Variants in STON2 observed in about 807,000 individuals in gnomAD.
The protein encoded by STON2 is stonin-2.
Under a neutral mutation model 65.7 loss-of-function variants are expected in STON2, and 29 were observed. That is an observed-to-expected ratio of 0.44 (90% CI 0.33 to 0.60). The LOEUF (loss-of-function observed/expected upper bound fraction) is 0.60. Among genes scored for constraint, STON2 ranks in the 20% least tolerant of loss-of-function variants. STON2 has a pLI of 0.03. For missense variants in STON2, 1,054 were observed against 1,118.1 expected (o/e 0.94, Z 0.82); for synonymous variants, 404 against 414.2 (o/e 0.98, Z 0.30).
chr14:81,419,963 G>A (rs183392127), intron 2 of STON2, among the ~76,000 whole-genome samples: 1 of 152,324 alleles, frequency 6.6e-6, no homozygotes, highest in East Asian at 1.9e-4. Context: ...CCTTCCACTG[G>A]AGGGGCTGGT....
chr14:81,314,550 A>C (rs1163935316), intron 5 of STON2, among the ~76,000 whole-genome samples: 2 of 152,248 alleles, frequency 1.3e-5, no homozygotes, highest in Non-Finnish European at 2.9e-5. Flanking sequence ...AGATGTCATC[A>C]TGGTACTGTG....
At chr14:81,425,613 A>G (rs1310554171) in intron 2 of STON2, among the ~76,000 whole-genome samples, 1 of 152,120 alleles carries the variant, frequency 6.6e-6, no homozygotes, top group Non-Finnish European at 1.5e-5. Context: ...ATCTTAGGGA[A>G]GAGTGAGAGA....
intron 2 of STON2, among the ~76,000 whole-genome samples, chr14:81,397,939 A>G (rs1900406475): frequency 6.6e-6 from 1 of 152,178 alleles, no homozygotes; most frequent in Non-Finnish European, 1.5e-5. Context: ...AGGGATTTGA[A>G]CCCAAGCACT....
At chr14:81,296,390 C>G (rs1270410541) in intron 5 of STON2, among the ~76,000 whole-genome samples, 2 of 152,124 alleles carry the variant, frequency 1.3e-5, no homozygotes, top group Non-Finnish European at 2.9e-5. Context: ...GTAATGGGAT[C>G]AAGACTTCTA....
In STON2 at chr14:81,277,410, G is replaced by T; in HGVS notation, c.2072C>A (p.Thr691Asn). Residue 691 changes from threonine (T) to asparagine (N), a missense_variant, in exon 6 of 8, where the codon ACC (threonine) becomes AAC (asparagine). Coordinates refer to ENST00000614646, the MANE Select transcript of STON2 (RefSeq NM_001394390.1). ...EIVLRQDIMP[T>N]TTTKWIKLHE... The stretch of plus-strand genomic sequence containing the variant: ...GAGCTTGATCCACTTTGTGGTGGTG[G>T]TGGGCATGATGTCCTGCCTCAAAAC... 6.2e-7 allele frequency: 1 copy of T among 1,614,166 alleles called. No homozygotes were observed. The highest frequency in any genetic ancestry group is 8.5e-7 in the Non-Finnish European group (1 of 1,180,038).
chr14:81,395,829 G>T, intron 3 of STON2, 65 bp downstream of exon 3: 3 of 1,538,450 alleles, frequency 2.0e-6, no homozygotes, highest in African/African-American at 2.7e-5. Context: ...CAGCCCTATA[G>T]ACCTCTCACT....
At chr14:81,322,716 C>T (rs903372196) in intron 5 of STON2, among the ~76,000 whole-genome samples, 1 of 152,146 alleles carries the variant, frequency 6.6e-6, no homozygotes, top group Non-Finnish European at 1.5e-5. Context: ...TGTGACCCTC[C>T]CAACTCATAC....
At chr14:81,270,287 G>A in intron 7 of STON2, 1 of 819,624 alleles carries the variant, frequency 1.2e-6, no homozygotes, top group Middle Eastern at 5.0e-4. Context: ...GTTTCGCCAT[G>A]TTGGCCAGGC....
At chr14:81,359,815 G>T (rs1279365254) in intron 4 of STON2, among the ~76,000 whole-genome samples, 1 of 152,120 alleles carries the variant, frequency 6.6e-6, no homozygotes, top group Non-Finnish European at 1.5e-5. Flanking sequence ...TGAATCACAA[G>T]GAAATAGAAA....
At chr14:81,393,108 G>A (rs1477404551) in intron 3 of STON2, among the ~76,000 whole-genome samples, 1 of 152,180 alleles carries the variant, frequency 6.6e-6, no homozygotes, top group East Asian at 1.9e-4. Flanking sequence ...TCAGTCACAA[G>A]ATAAGATCCT....
rs546494443 is a variant in STON2 at position 81,349,642 on chromosome 14, T to TACA, written c.571+21343_571+21345dup. 7.2e-5 allele frequency among the ~76,000 whole-genome samples: 11 copies of TACA among 152,278 alleles called. No homozygotes were observed. The East Asian group carries it at 2.1e-3, about 29-fold the overall frequency. On this transcript the variant is annotated intron_variant, in intron 4 of 7. Transcript: ENST00000614646. ...TACTGCTGGTGGGAATGTAAATTAGTACAGCCATTATAGAAAACAGTGTGG... is the reference window on the plus strand; with the variant it reads ...TACTGCTGGTGGGAATGTAAATTAGTACAACAGCCATTATAGAAAACAGTGTGG...
intron 4 of STON2, among the ~76,000 whole-genome samples, chr14:81,368,687 C>T (rs1411984193): frequency 1.3e-5 from 2 of 152,146 alleles, no homozygotes; most frequent in East Asian, 3.9e-4. Flanking sequence ...GCACTCCATC[C>T]AGCCTGGGTG....
At position 81,268,354 on chromosome 14, in the gene STON2, T is replaced by C. The variant is rs1894438249; in HGVS notation, c.*60A>G. 7.8e-7 allele frequency: 1 copy of C among 1,284,904 alleles called. No individual in the cohort carries two copies. Among genetic ancestry groups the C allele is most frequent in the African/African-American group, 1.5e-5 (1 of 65,520 alleles). 79.6% of individuals were successfully genotyped at this position (1,284,904 alleles called of 1,614,324 possible). On this transcript the variant is annotated 3_prime_UTR_variant, in exon 8 of 8. Transcript: ENST00000614646. ...AGCTACTCAGGAAGACACCCTATCA[T>C]GACTCAGGAAGACACCCTATCATGA...
chr14:81,423,704 G>T (rs1901826561), intron 2 of STON2, among the ~76,000 whole-genome samples: 1 of 152,160 alleles, frequency 6.6e-6, no homozygotes, highest in Non-Finnish European at 1.5e-5. Flanking sequence ...ACAGGCTGCT[G>T]CAGTGGCCTC....
At chr14:81,310,591 T>C (rs1007398675) in intron 5 of STON2, among the ~76,000 whole-genome samples, 14 of 152,234 alleles carry the variant, frequency 9.2e-5, no homozygotes, top group African/African-American at 1.4e-4. Context: ...GAACTAATTA[T>C]GGCTAACATT....
At chr14:81,295,109 G>C (rs1158586037) in intron 5 of STON2, among the ~76,000 whole-genome samples, 1 of 152,168 alleles carries the variant, frequency 6.6e-6, no homozygotes, top group Non-Finnish European at 1.5e-5. Context: ...CGGATCACGA[G>C]GTCAGGAGAT....
chr14:81,367,487 A>G (rs1221337175), intron 4 of STON2, among the ~76,000 whole-genome samples: 1 of 152,046 alleles, frequency 6.6e-6, no homozygotes, highest in Non-Finnish European at 1.5e-5. Context: ...AAATGAAAGC[A>G]TTTTTAAATT....
At chr14:81,321,725 T>C (rs1224261089) in intron 5 of STON2, among the ~76,000 whole-genome samples, 1 of 152,136 alleles carries the variant, frequency 6.6e-6, no homozygotes, top group Admixed American at 6.5e-5. Context: ...CCCAGGAAGT[T>C]CTAAAAACAT....
chr14:81,427,541 G>C (rs556218369), intron 1 of STON2: 1 of 152,174 alleles, frequency 6.6e-6, no homozygotes, highest in South Asian at 2.1e-4. Flanking sequence ...GCCTGAGTAT[G>C]ATGGATGGCA....
Sources: allele counts gnomAD v4.1 joint callset (sites outside exome capture counted in the v4.1 genomes callset), GRCh38; gene constraint gnomAD v4.1.1; transcripts MANE v1.5; gene names NCBI Gene and HGNC (gene_info 2026-07-23, HGNC 2026-07-21).